Variants in ATF7IP2 observed in about 807,000 individuals in gnomAD.
ATF7IP2 encodes the protein activating transcription factor 7-interacting protein 2.
A neutral mutation model predicts 64.2 loss-of-function variants in ATF7IP2; 42 were observed. That is an observed-to-expected ratio of 0.65 (90% CI 0.51 to 0.85). The LOEUF is 0.85. Ranked by LOEUF, ATF7IP2 falls within the 40% of genes least tolerant of loss-of-function variation. The probability of loss-of-function intolerance (pLI) is 0.00; values close to 1 mark genes in which losing one functional copy is unlikely to be tolerated. For missense variants in ATF7IP2, 933 were observed against 784.2 expected (o/e 1.19, Z -2.27); for synonymous variants, 308 against 272.8 (o/e 1.13, Z -1.27).
At chr16:10,468,927 C>T (rs1279550645) in intron 9 of ATF7IP2, among the ~76,000 whole-genome samples, 1 of 152,126 alleles carries the variant, frequency 6.6e-6, no homozygotes, top group South Asian at 2.1e-4. Context: ...TAGTGGGGCT[C>T]AATTAGTCCC....
At chr16:10,481,795 A>T in intron 13 of ATF7IP2, 41 bp from the exon 14 acceptor site, 2 of 1,478,990 alleles carry the variant, frequency 1.4e-6, no homozygotes, top group Non-Finnish European at 1.8e-6. Context: ...ACTGCAATTG[A>T]CCACTTTAAA....
chr16:10,453,437 G>T lies in ATF7IP2; in HGVS notation c.1195-3935G>T, dbSNP rs142154546. 1.9e-3 allele frequency among the ~76,000 whole-genome samples: 286 copies of T among 152,294 alleles called. 2 individuals carry two copies. Among genetic ancestry groups the T allele is most frequent in the African/African-American group, 6.6e-3 (276 of 41,550 alleles). ...CCCACTGTCCAACTAGTCCCAATGA[G>T]ATGAACCAGGTACCTCAGTTAGAAA... is the stretch of plus-strand genomic sequence containing the variant. On this transcript the variant is annotated intron_variant, in intron 8 of 13. Coordinates refer to ENST00000562102, the MANE Select transcript of ATF7IP2 (RefSeq NM_001393719.1).
At chr16:10,467,274 A>G (rs2049609720) in intron 9 of ATF7IP2, among the ~76,000 whole-genome samples, 1 of 152,154 alleles carries the variant, frequency 6.6e-6, no homozygotes, top group East Asian at 1.9e-4. Flanking sequence ...AGACTGCCAA[A>G]AATTACCTCC....
intron 1 of ATF7IP2, among the ~76,000 whole-genome samples, chr16:10,398,312 A>AT (rs2047458955): frequency 6.7e-6 from 1 of 148,228 alleles, no homozygotes; most frequent in Non-Finnish European, 1.5e-5. Context: ...TCAAAAAAAA[A>AT]AAAATAATAA....
intron 8 of ATF7IP2, among the ~76,000 whole-genome samples, chr16:10,453,162 G>C (rs536657563): frequency 2.2e-4 from 33 of 152,298 alleles, no homozygotes; most frequent in South Asian, 2.1e-3. Context: ...ACCTAACTCA[G>C]TGTCTGCCCT....
chr16:10,457,828 G>A (rs746995478), intron 9 of ATF7IP2, among the ~76,000 whole-genome samples: 1 of 152,060 alleles, frequency 6.6e-6, no homozygotes, highest in East Asian at 1.9e-4. Context: ...TTCCACCTCA[G>A]CCTCCCAAGT....
At chr16:10,409,102 A>C (rs1013840818) in intron 1 of ATF7IP2, among the ~76,000 whole-genome samples, 1 of 152,112 alleles carries the variant, frequency 6.6e-6, no homozygotes, top group African/African-American at 2.4e-5. Context: ...ATCTGTGTCA[A>C]TCTCCCATGG....
In ATF7IP2 at chr16:10,401,447, C is replaced by T. The variant is rs561797976; in HGVS notation, c.-241-13127C>T. Among the ~76,000 whole-genome samples the T allele has an allele frequency of 3.3e-5, 5 of 152,278 alleles. No homozygotes were observed. The East Asian group carries it at 5.8e-4, about 18-fold the overall frequency. ...CCTCCCACAGTGCTGGGATTACAGG[C>T]GTGAGCCACTGTGCTTGGCCTGTTA... is the stretch of plus-strand genomic sequence containing the variant. On this transcript the variant is annotated intron_variant, in intron 1 of 13. Transcript: ENST00000562102.
intron 9 of ATF7IP2, among the ~76,000 whole-genome samples, chr16:10,469,219 A>C (rs1403182748): frequency 1.3e-5 from 2 of 152,140 alleles, no homozygotes; most frequent in South Asian, 2.1e-4. Context: ...TAAAAGAGCT[A>C]TTGCCAATAT....
At chr16:10,426,111 C>G (rs1388539295) in intron 3 of ATF7IP2, among the ~76,000 whole-genome samples, 2 of 152,138 alleles carry the variant, frequency 1.3e-5, no homozygotes, top group Non-Finnish European at 2.9e-5. Context: ...GGATTAAGGA[C>G]TTAAATTATA....
chr16:10,442,798 G>A (rs1007624278), intron 8 of ATF7IP2, among the ~76,000 whole-genome samples: 5 of 152,164 alleles, frequency 3.3e-5, no homozygotes, highest in Non-Finnish European at 4.4e-5. Context: ...TTGCTCAGCT[G>A]TTCCTTTAAT....
chr16:10,478,897 A>G (rs1456683758), intron 12 of ATF7IP2, among the ~76,000 whole-genome samples: 1 of 152,242 alleles, frequency 6.6e-6, no homozygotes, highest in Non-Finnish European at 1.5e-5. Context: ...AACACATGAA[A>G]AAATGCTCAC....
At chr16:10,397,293 T>G (rs1468919120) in intron 1 of ATF7IP2, among the ~76,000 whole-genome samples, 1 of 152,212 alleles carries the variant, frequency 6.6e-6, no homozygotes, top group Non-Finnish European at 1.5e-5. Context: ...TGCTTAAGAT[T>G]GATTTGGCTT....
chr16:10,431,395 A>G lies in ATF7IP2; in HGVS notation c.775A>G (p.Ile259Val). 1 of 1,612,414 alleles carries G rather than the reference A, an allele frequency of 6.2e-7. No individual in the cohort carries two copies. The highest frequency in any genetic ancestry group is 8.5e-7 in the Non-Finnish European group (1 of 1,178,620). ...LKTDECSRTS[I>V]SNCESADSTW... ...AACTGATGAGTGTAGTAGAACCAGTATTTCAAATTGTGAAAGTGCAGACTC... is the reference window on the plus strand; with the variant it reads ...AACTGATGAGTGTAGTAGAACCAGTGTTTCAAATTGTGAAAGTGCAGACTC... Residue 259 changes from isoleucine to valine, a missense_variant, in exon 5 of 14, where the codon ATT becomes GTT. By Grantham distance (29) the Ile-to-Val change is conservative. Coordinates refer to ENST00000562102, the MANE Select transcript of ATF7IP2 (RefSeq NM_001393719.1).
At chr16:10,411,522 C>T (rs979621490) in intron 1 of ATF7IP2, among the ~76,000 whole-genome samples, 3 of 151,928 alleles carry the variant, frequency 2.0e-5, no homozygotes, top group Non-Finnish European at 4.4e-5. Context: ...AGGCGTGTGC[C>T]ACCATTCCTG....
intron 8 of ATF7IP2, among the ~76,000 whole-genome samples, chr16:10,451,547 TTC>T (rs2048984325): frequency 6.6e-6 from 1 of 152,080 alleles, no homozygotes; most frequent in Admixed American, 6.6e-5. Context: ...TAATCTTGTC[TTC>T]TCACTTTATT....
chr16:10,423,614 G>A (rs2048028845), intron 3 of ATF7IP2, among the ~76,000 whole-genome samples: 1 of 152,130 alleles, frequency 6.6e-6, no homozygotes, highest in Non-Finnish European at 1.5e-5. Context: ...AAGATCTGGA[G>A]GGTCAGGCCA....
At chr16:10,411,391 GTT>G (rs35076742) in intron 1 of ATF7IP2, among the ~76,000 whole-genome samples, 5 of 81,986 alleles carry the variant, frequency 6.1e-5, no homozygotes, top group Non-Finnish European at 9.7e-5. Context: ...TGTTGTTGTT[GTT>G]TTGTTTTGTT....
At chr16:10,406,505 T>C (rs7196209) in intron 1 of ATF7IP2, among the ~76,000 whole-genome samples, 85,264 of 152,026 alleles carry the variant, frequency 0.56, 23,980 homozygotes, top group East Asian at 0.69. Flanking sequence ...ATAAAGATCA[T>C]TGCAGAAGAA....
Sources: allele counts gnomAD v4.1 joint callset (sites outside exome capture counted in the v4.1 genomes callset), GRCh38; gene constraint gnomAD v4.1.1; transcripts MANE v1.5; gene names NCBI Gene and HGNC (gene_info 2026-07-23, HGNC 2026-07-21).